LYPLA2: variants seen among roughly 807,000 people sequenced by gnomAD.
The protein encoded by LYPLA2 is lysophospholipase 2.
A neutral mutation model predicts 30.3 loss-of-function variants in LYPLA2; 7 were observed. The ratio of observed to expected loss-of-function variants is 0.23; its 90% confidence interval spans 0.13 to 0.43. The LOEUF is 0.43. Among genes scored for constraint, LYPLA2 ranks in the 20% least tolerant of loss-of-function variants. The probability of loss-of-function intolerance (pLI) is 1.00; values close to 1 mark genes in which losing one functional copy is unlikely to be tolerated. For missense variants in LYPLA2, 206 were observed against 307.9 expected (o/e 0.67, Z 2.48); for synonymous variants, 112 against 118.2 (o/e 0.95, Z 0.34).
Position 23,794,394 on chromosome 1 carries a change from C to T in LYPLA2, c.472-33C>T, listed in dbSNP as rs769411368. The T allele has an allele frequency of 4.3e-6, 7 of 1,613,022 alleles. No homozygotes were observed. In the East Asian group the frequency reaches 1.6e-4, roughly 36 times the overall value. On this transcript the variant is annotated intron_variant, in intron 8 of 9. Coordinates refer to ENST00000374514, the MANE Select transcript of LYPLA2 (RefSeq NM_007260.3). The surrounding 1 kb of genome is among the most constrained non-coding windows in gnomAD (Gnocchi z 5.9). ...TCGTGGCTTGGGGACTGCTGCAGCA[C>T]TAGCTTTGCCCTGAGTCCTGTCCGG...
rs1638890162 is a variant in LYPLA2, at chr1:23,794,661, A to G, written c.646-21A>G. On this transcript the variant is annotated intron_variant, in intron 9 of 9. Transcript: ENST00000374514. This position sits in a 1 kb window ranked among gnomAD's most constrained non-coding sequence, Gnocchi z 5.9. ...TGCCTCCAGCCAGGTGCCTCTCGTG[A>G]TCCCCTCTTAATCCCCTCAGGAGAT... 6.2e-7 allele frequency: 1 copy of G among 1,613,988 alleles called. No homozygotes were observed.
In LYPLA2 at chr1:23,795,257, G is replaced by A; in HGVS notation, c.*525G>A. ...GTCCCTGGGCAGGAGTGCTGGTGAGGAGGTGGAGCCTTTTGAGGGGGGCCT... is the reference window on the plus strand; with the variant it reads ...GTCCCTGGGCAGGAGTGCTGGTGAGAAGGTGGAGCCTTTTGAGGGGGGCCT... On this transcript the variant is annotated 3_prime_UTR_variant, in exon 10 of 10. Transcript: ENST00000374514. The A allele has an allele frequency of 7.7e-6, 2 of 261,106 alleles. No individual in the cohort carries two copies. The highest frequency in any genetic ancestry group is 7.8e-5 in the South Asian group (2 of 25,600). The allele number at this position is 261,106 out of a possible 1,614,324, so 16.2% of individuals were successfully genotyped here. A position where few individuals can be genotyped will look rare whatever the true frequency, so the allele number is the denominator to read the frequency against.
chr1:23,794,806 T>G lies in LYPLA2; in HGVS notation c.*74T>G. 6.4e-7 allele frequency: 1 copy of G among 1,552,626 alleles called. No homozygotes were observed. The highest frequency in any genetic ancestry group is 8.8e-7 in the Non-Finnish European group (1 of 1,132,422). ...AGCAAGCGTGGCACCATCTTGGATC[T>G]GAGCCGGTCGAGCCCCTGTCCCCAC... On this transcript the variant is annotated 3_prime_UTR_variant, in exon 10 of 10. Transcript: ENST00000374514. The surrounding 1 kb of genome is among the most constrained non-coding windows in gnomAD (Gnocchi z 5.9).
In LYPLA2 at chr1:23,793,912, A is replaced by C; in HGVS notation, c.277A>C (p.Lys93Gln). Residue 93 changes from lysine (K) to glutamine (Q), a missense_variant, in exon 6 of 10, where the codon AAG becomes CAG. Lys to Gln is a moderately conservative substitution (Grantham distance 53, BLOSUM62 1). Coordinates refer to ENST00000374514, the MANE Select transcript of LYPLA2 (RefSeq NM_007260.3). This position sits in a 1 kb window ranked among gnomAD's most constrained non-coding sequence, Gnocchi z 6.0. ...TGCCCCAGAGGACGAGGCTGGCATC[A>C]AGAAGGCAGCAGAGAACAGTAAGAC... ...PDAPEDEAGI[K>Q]KAAENIKALI... is the part of the protein sequence containing the mutation. 6.2e-7 allele frequency: 1 copy of C among 1,613,858 alleles called. No homozygotes were observed. The highest frequency in any genetic ancestry group is 8.5e-7 in the Non-Finnish European group (1 of 1,179,864).
rs765161640 is a variant in LYPLA2 at position 23,793,890 on chromosome 1, C to A, written c.255C>A (p.Ala85=). ...ACCTGATGGGGCTGAGTCCAGATGCCCCAGAGGACGAGGCTGGCATCAAGA... is the reference window on the plus strand; with the variant it reads ...ACCTGATGGGGCTGAGTCCAGATGCACCAGAGGACGAGGCTGGCATCAAGA... ...WFDLMGLSPD[A]PEDEAGIKKA... is the part of the protein sequence containing the mutation. Residue 85 remains alanine (A), a synonymous_variant, in exon 6 of 10, where the codon GCC becomes GCA. Transcript: ENST00000374514. The surrounding 1 kb of genome is among the most constrained non-coding windows in gnomAD (Gnocchi z 6.0). The A allele has an allele frequency of 2.5e-6, 4 of 1,613,842 alleles. No homozygotes were observed. The highest frequency in any genetic ancestry group is 3.4e-6 in the Non-Finnish European group (4 of 1,179,942).
intron 1 of LYPLA2, 94 bp from the exon 2 acceptor site, chr1:23,792,563 G>A: frequency 1.4e-6 from 1 of 732,212 alleles, no homozygotes; most frequent in East Asian, 2.5e-5. Flanking sequence ...ACAGAACCTG[G>A]GTGCTGTGTG....
chr1:23,793,187 C>T lies in LYPLA2; in HGVS notation c.147C>T (p.Leu49=). The T allele has an allele frequency of 6.2e-7, 1 of 1,613,980 alleles. No individual in the cohort carries two copies. The highest frequency in any genetic ancestry group is 8.5e-7 in the Non-Finnish European group (1 of 1,179,936). The change falls in exon 4 of 10, where the codon CTC becomes CTT. Residue 49 remains leucine, a synonymous_variant. Transcript: ENST00000374514. The surrounding 1 kb of genome is among the most constrained non-coding windows in gnomAD (Gnocchi z 6.0). The part of the protein sequence containing the change: ...SWADALSTIR[L]PHVKYICPHA... ...CTGACGCCCTCTCCACCATCCGGCT[C>T]CCTCACGTCAAGTACATCTGTCCCC...
chr1:23,794,359 G>T lies in LYPLA2; in HGVS notation c.471+34G>T. On this transcript the variant is annotated intron_variant, in intron 8 of 9. Transcript: ENST00000374514. The surrounding 1 kb of genome is among the most constrained non-coding windows in gnomAD (Gnocchi z 5.9). ...CCCCACTGACCCCCCCGCCCTTTGT[G>T]TCTGCATCCTCGTGGCTTGGGGACT... 6.3e-7 allele frequency: 1 copy of T among 1,598,730 alleles called. No individual in the cohort carries two copies. Among genetic ancestry groups the T allele is most frequent in the East Asian group, 2.2e-5 (1 of 44,754 alleles).
Position 23,792,798 on chromosome 1 carries a change from G to A in LYPLA2, c.78+38G>A, listed in dbSNP as rs890450986. 13 of 1,560,518 alleles carry A rather than the reference G, an allele frequency of 8.3e-6. No individual in the cohort carries two copies. In the African/African-American group the frequency reaches 1.8e-4, roughly 21 times the overall value. ...TTTCACCCACGGCCAGACACTGTGG[G>A]AGCAGCTGGAGGACCGGCTGGAGGG... On this transcript the variant is annotated intron_variant, in intron 2 of 9. Transcript: ENST00000374514.
Position 23,794,073 on chromosome 1 carries a change from G to A in LYPLA2, c.306G>A (p.Leu102=). ...IKKAAENIKA[L]IEHEMKNGIP... ...TGCCCCCTCCCCCAGTCAAGGCCTTGATTGAGCATGAAATGAAGAACGGGA... is the reference window on the plus strand; with the variant it reads ...TGCCCCCTCCCCCAGTCAAGGCCTTAATTGAGCATGAAATGAAGAACGGGA... The change falls in exon 7 of 10, where the codon TTG becomes TTA. Residue 102 remains leucine (L), a synonymous_variant. Transcript: ENST00000374514. The surrounding 1 kb of genome is among the most constrained non-coding windows in gnomAD (Gnocchi z 5.9). 6.3e-7 allele frequency: 1 copy of A among 1,590,930 alleles called. No individual in the cohort carries two copies. Among genetic ancestry groups the A allele is most frequent in the Non-Finnish European group, 8.6e-7 (1 of 1,165,662 alleles).
chr1:23,792,251 C>T (rs1030791280), intron 1 of LYPLA2, among the ~76,000 whole-genome samples: 1 of 151,718 alleles, frequency 6.6e-6, no homozygotes, highest in Non-Finnish European at 1.5e-5. Context: ...CCATAGGGCC[C>T]GGAGTTGGGG....
In LYPLA2 at chr1:23,794,798, C is replaced by T; in HGVS notation, c.*66C>T. The stretch of plus-strand genomic sequence containing the variant: ...ACTCAGCAAGCAAGCGTGGCACCAT[C>T]TTGGATCTGAGCCGGTCGAGCCCCT... On this transcript the variant is annotated 3_prime_UTR_variant, in exon 10 of 10. Transcript: ENST00000374514. This position sits in a 1 kb window ranked among gnomAD's most constrained non-coding sequence, Gnocchi z 5.9. 1 of 1,578,842 alleles carries T rather than the reference C, an allele frequency of 6.3e-7. No individual in the cohort carries two copies. Among genetic ancestry groups the T allele is most frequent in the Admixed American group, 1.7e-5 (1 of 59,060 alleles).
chr1:23,795,090 AGGGTTTGGCCCATG>A lies in LYPLA2; in HGVS notation c.*362_*375del, dbSNP rs1638903932. On this transcript the variant is annotated 3_prime_UTR_variant, in exon 10 of 10. Coordinates refer to ENST00000374514, the MANE Select transcript of LYPLA2 (RefSeq NM_007260.3). ...GCTTTGGGCCCCCTCCTGTGACCTC[AGGGTTTGGCCCATG>A]GGGCCCCCCCAGGCCCCTGCCCCAA... 5.4e-5 allele frequency: 25 copies of A among 459,276 alleles called. No homozygotes were observed. The highest frequency in any genetic ancestry group is 4.8e-4 in the South Asian group (25 of 52,562). 28.5% of individuals were successfully genotyped at this position (459,276 alleles called of 1,614,324 possible).
rs1461497336 is a variant in LYPLA2 at position 23,795,307 on chromosome 1, G to T, written c.*575G>T. The T allele has an allele frequency of 1.7e-5, 4 of 231,744 alleles. No homozygotes were observed. The highest frequency in any genetic ancestry group is 1.8e-5 in the Non-Finnish European group (2 of 114,040). 14.4% of individuals were successfully genotyped at this position (231,744 alleles called of 1,614,324 possible). Reference sequence around the variant, plus strand: ...TTCCCTCAGCTGTTTCCCCACACTGGGGGGCTGGGCCCTGCCTCCCCGTTA... The same window carrying T: ...TTCCCTCAGCTGTTTCCCCACACTGTGGGGCTGGGCCCTGCCTCCCCGTTA... On this transcript the variant is annotated 3_prime_UTR_variant, in exon 10 of 10. Coordinates refer to ENST00000374514, the MANE Select transcript of LYPLA2 (RefSeq NM_007260.3).
chr1:23,794,106 C>T lies in LYPLA2; in HGVS notation c.339C>T (p.Ala113=), dbSNP rs1450013603. 2 of 1,568,008 alleles carry T rather than the reference C, an allele frequency of 1.3e-6. No homozygotes were observed. Among genetic ancestry groups the T allele is most frequent in the African/African-American group, 2.8e-5 (2 of 71,528 alleles). ...ATGAAATGAAGAACGGGATCCCTGC[C>T]AATCGAATCGTCCTGGGAGGCTTTT... ...IEHEMKNGIP[A]NRIVLGGFSQ... Residue 113 remains alanine, a synonymous_variant, in exon 7 of 10, where the codon GCC becomes GCT. Coordinates refer to ENST00000374514, the MANE Select transcript of LYPLA2 (RefSeq NM_007260.3). This position sits in a 1 kb window ranked among gnomAD's most constrained non-coding sequence, Gnocchi z 5.9.
Position 23,794,740 on chromosome 1 carries a change from C to G in LYPLA2, c.*8C>G. 1 of 1,614,096 alleles carries G rather than the reference C, an allele frequency of 6.2e-7. No individual in the cohort carries two copies. The highest frequency in any genetic ancestry group is 2.2e-5 in the East Asian group (1 of 44,880). Reference sequence around the variant, plus strand: ...CTGCTGCCTCCTGTCTAACTAGTCGCTGGCCCCAGTGCAGTACCCCAGCTC... The same window carrying G: ...CTGCTGCCTCCTGTCTAACTAGTCGGTGGCCCCAGTGCAGTACCCCAGCTC... On this transcript the variant is annotated 3_prime_UTR_variant, in exon 10 of 10. Coordinates refer to ENST00000374514, the MANE Select transcript of LYPLA2 (RefSeq NM_007260.3). The surrounding 1 kb of genome is among the most constrained non-coding windows in gnomAD (Gnocchi z 5.9).
intron 1 of LYPLA2, chr1:23,792,445 T>G: frequency 1.8e-6 from 1 of 551,514 alleles, no homozygotes; most frequent in Non-Finnish European, 3.2e-6. Context: ...CAGAGACACA[T>G]GTTCTGGGCC....
At chr1:23,791,765 A>G (rs1638797374) in intron 1 of LYPLA2, among the ~76,000 whole-genome samples, 1 of 152,066 alleles carries the variant, frequency 6.6e-6, no homozygotes, top group African/African-American at 2.4e-5. Flanking sequence ...TGCATTCCCC[A>G]TGGGAAGAGG....
Position 23,792,718 on chromosome 1 carries a change from C to T in LYPLA2, c.36C>T (p.Thr12=), listed in dbSNP as rs371871667. Residue 12 remains threonine, a synonymous_variant, in exon 2 of 10, where the codon ACC becomes ACT. Coordinates refer to ENST00000374514, the MANE Select transcript of LYPLA2 (RefSeq NM_007260.3). ...ACACCATGTCTGTGCCCCTGCTCAC[C>T]GATGCTGCCACCGTGTCTGGAGCTG... The part of the protein sequence containing the change: ...CGNTMSVPLL[T]DAATVSGAER... The T allele has an allele frequency of 5.2e-5, 84 of 1,612,094 alleles. No individual in the cohort carries two copies. The highest frequency in any genetic ancestry group is 6.4e-5 in the Non-Finnish European group (76 of 1,179,942).
Sources: gnomAD v4.1 joint callset for allele counts (sites outside exome capture counted in the v4.1 genomes callset) on GRCh38, gnomAD v4.1.1 for gene constraint, Gnocchi (gnomAD v3.1) non-coding constraint, MANE v1.5 for transcripts, NCBI Gene and HGNC (gene_info 2026-07-23, HGNC 2026-07-21) for gene names.